The following APC variants were observed in gnomAD, a reference collection of about 807,000 sequenced individuals.
APC encodes APC regulator of Wnt signaling pathway, also known as adenomatous polyposis coli protein.
APC carries 72 observed loss-of-function variants against 247.0 expected under a neutral mutation model. That is an observed-to-expected ratio of 0.29 (90% confidence interval 0.24 to 0.35). The LOEUF is 0.35. APC is among the 10% of genes least tolerant of loss of function. The probability of loss-of-function intolerance (pLI) is 1.00; values close to 1 mark genes in which losing one functional copy is unlikely to be tolerated. For synonymous variants in APC, 1,254 were observed against 1,162.5 expected (o/e 1.08, Z -1.60); for missense variants, 3,400 against 3,360.7 (o/e 1.01, Z -0.29).
chr5:112,776,968 A>T (rs1481046741), intron 5 of APC, among the ~76,000 whole-genome samples: 1 of 152,242 alleles, frequency 6.6e-6, no homozygotes, highest in South Asian at 2.1e-4. Context: ...CCTCATCTGG[A>T]TGTTGCTAGC....
intron 14 of APC, among the ~76,000 whole-genome samples, chr5:112,834,624 C>G (rs1212988941): frequency 6.6e-6 from 1 of 151,946 alleles, no homozygotes; most frequent in African/African-American, 2.4e-5. Context: ...AACCCACATT[C>G]TATTCTGAAA....
chr5:112,713,044 G>A (rs111460795), intron 1 of APC, among the ~76,000 whole-genome samples: 7 of 151,918 alleles, frequency 4.6e-5, no homozygotes, highest in Admixed American at 6.6e-5. Context: ...GGTGGCAGGC[G>A]CCTGTAATCC....
Position 112,839,006 on chromosome 5 carries a change from G to C in APC, c.3412G>C (p.Asp1138His), listed in dbSNP as rs587781452. 3 of 1,613,878 alleles carry C rather than the reference G, an allele frequency of 1.9e-6. No individual in the cohort carries two copies. In the African/African-American group the frequency reaches 4.0e-5, roughly 22 times the overall value. ...GTGTCAAGAAGATGACTATGAAGAT[G>C]ATAAGCCTACCAATTATAGTGAACG... ...SLCQEDDYED[D>H]KPTNYSERYS... Residue 1138 changes from aspartate (D) to histidine (H), a missense_variant, in exon 16 of 16, where the codon GAT becomes CAT. Transcript: ENST00000257430. The surrounding 1 kb of genome is among the most constrained non-coding windows in gnomAD (Gnocchi z 5.0).
At chr5:112,795,726 A>T (rs1760146671) in intron 7 of APC, among the ~76,000 whole-genome samples, 1 of 152,262 alleles carries the variant, frequency 6.6e-6, no homozygotes, top group Non-Finnish European at 1.5e-5. Context: ...ACACTTTTAG[A>T]TAGGCAAAGT....
At chr5:112,734,499 CTG>C (rs974826384), upstream of APC, among the ~76,000 whole-genome samples, 1 of 151,888 alleles carries the variant, frequency 6.6e-6, no homozygotes, top group Non-Finnish European at 1.5e-5. Flanking sequence ...ATACTAGTAA[CTG>C]TTTTTTCAAT....
chr5:112,829,512 G>A (rs1191564572), intron 14 of APC: 1 of 158,810 alleles, frequency 6.3e-6, no homozygotes, highest in African/African-American at 2.4e-5. Context: ...AAGTACTAAG[G>A]TAGAAAAGAT....
rs767384752 is a variant in APC at position 112,845,735 on chromosome 5, T to C, written c.*1609T>C. On this transcript the variant is annotated 3_prime_UTR_variant, in exon 16 of 16. Coordinates refer to ENST00000257430, the MANE Select transcript of APC (RefSeq NM_000038.6). Reference sequence around the variant, plus strand: ...CTGAAGGAAAATAAACTGACACTTATTAACTAAGATAATTTACTTAATATA... The same window carrying C: ...CTGAAGGAAAATAAACTGACACTTACTAACTAAGATAATTTACTTAATATA... The C allele has an allele frequency of 2.6e-5, 6 of 232,020 alleles. No homozygotes were observed. Among genetic ancestry groups the C allele is most frequent in the South Asian group, 3.6e-4 (2 of 5,522 alleles). The allele number at this position is 232,020 out of a possible 1,614,324, so 14.4% of individuals were successfully genotyped here.
chr5:112,827,911 T>G lies in APC; in HGVS notation c.1549-18T>G. 6.2e-7 allele frequency: 1 copy of G among 1,605,824 alleles called. No homozygotes were observed. Among genetic ancestry groups the G allele is most frequent in the South Asian group, 1.1e-5 (1 of 90,888 alleles). ...AGTTGTCTTTTTAATGATCCTCTATTCTGTATTTAATTTACAGGCTACGCT... is the reference window on the plus strand; with the variant it reads ...AGTTGTCTTTTTAATGATCCTCTATGCTGTATTTAATTTACAGGCTACGCT... On this transcript the variant is annotated intron_variant, in intron 12 of 15. Transcript: ENST00000257430.
intron 8 of APC, among the ~76,000 whole-genome samples, chr5:112,808,391 G>A (rs865869966): frequency 2.0e-5 from 3 of 151,898 alleles, no homozygotes; most frequent in South Asian, 2.1e-4. Context: ...TTTGTTTTAC[G>A]GCCATTTAGT....
intron 7 of APC, among the ~76,000 whole-genome samples, chr5:112,798,382 A>G (rs1425660079): frequency 1.3e-5 from 2 of 152,232 alleles, no homozygotes; most frequent in African/African-American, 4.8e-5. Flanking sequence ...CAAAAAGTAC[A>G]TTAGTGGTTG....
intron 2 of APC, among the ~76,000 whole-genome samples, chr5:112,760,614 T>A (rs1226899889): frequency 6.6e-6 from 1 of 152,188 alleles, no homozygotes; most frequent in African/African-American, 2.4e-5. Flanking sequence ...GAGGGAGACC[T>A]ACCTAGTATA....
rs777206261 is a variant in APC at position 112,842,345 on chromosome 5, C to A, written c.6751C>A (p.Pro2251Thr). Residue 2251 changes from proline (P) to threonine (T), a missense_variant, in exon 16 of 16, where the codon CCA (proline) becomes ACA (threonine). By Grantham distance (38) the Pro-to-Thr change is conservative. This residue lies in a region of APC where 1,788 missense variants were observed against 1,649.5 expected (regional missense o/e 1.08). Coordinates refer to ENST00000257430, the MANE Select transcript of APC (RefSeq NM_000038.6). ...SSTSPVSKKG[P>T]PLKTPASKSP... ...TACAAGTCCTGTTTCTAAAAAAGGCCCACCCCTTAAGACTCCAGCCTCCAA... is the reference window on the plus strand; with the variant it reads ...TACAAGTCCTGTTTCTAAAAAAGGCACACCCCTTAAGACTCCAGCCTCCAA... 1 of 1,613,904 alleles carries A rather than the reference C, an allele frequency of 6.2e-7. No individual in the cohort carries two copies. The highest frequency in any genetic ancestry group is 1.1e-5 in the South Asian group (1 of 91,068).
At chr5:112,720,080 G>T (rs1439254813) in intron 1 of APC, among the ~76,000 whole-genome samples, 1 of 152,136 alleles carries the variant, frequency 6.6e-6, no homozygotes, top group East Asian at 1.9e-4. Flanking sequence ...AGCTATGGTA[G>T]TCTACATAAA....
intron 3 of APC, 101 bp downstream of exon 3, chr5:112,766,511 A>G: frequency 1.3e-6 from 1 of 776,732 alleles, no homozygotes; most frequent in Middle Eastern, 2.3e-4. Context: ...GGGTGTTGGT[A>G]TCAGTTTTCT....
intron 1 of APC, among the ~76,000 whole-genome samples, chr5:112,754,598 A>G (rs1754745603): frequency 6.6e-6 from 1 of 152,178 alleles, no homozygotes; most frequent in Admixed American, 6.5e-5. Flanking sequence ...TACTTGATAG[A>G]AAGTTTAATC....
intron 1 of APC, among the ~76,000 whole-genome samples, chr5:112,717,908 CTTTTTTTTT>C: frequency 4.6e-3 from 187 of 40,646 alleles, no homozygotes; most frequent in South Asian, 0.022. Context: ...TTTTCTTTTT[CTTTTTTTTT>C]TTTTTTTTTT....
chr5:112,811,098 T>G (rs1316974774), intron 8 of APC, among the ~76,000 whole-genome samples: 1 of 152,076 alleles, frequency 6.6e-6, no homozygotes. Context: ...GAGCATGAAG[T>G]AAAATGTTGA....
chr5:112,826,356 T>C (rs529040557), intron 11 of APC, among the ~76,000 whole-genome samples: 2 of 152,332 alleles, frequency 1.3e-5, no homozygotes, highest in East Asian at 3.9e-4. Flanking sequence ...TTTTAACTGC[T>C]TCCTTTGTGT....
chr5:112,836,940 A>G (rs1765006403), intron 15 of APC, among the ~76,000 whole-genome samples: 1 of 152,056 alleles, frequency 6.6e-6, no homozygotes, highest in South Asian at 2.1e-4. Context: ...ATCTCAGGTG[A>G]TCCGCCTGCC....
Sources: gnomAD v4.1 joint callset for allele counts (sites outside exome capture counted in the v4.1 genomes callset) on GRCh38, gnomAD v4.1.1 for gene constraint, gnomAD v4.1.1 regional missense constraint, Gnocchi (gnomAD v3.1) non-coding constraint, MANE v1.5 for transcripts, NCBI Gene and HGNC (gene_info 2026-07-23, HGNC 2026-07-21) for gene names.